The following SORCS1 variants were observed in gnomAD, a reference collection of about 807,000 sequenced individuals.
SORCS1 encodes the protein sortilin related VPS10 domain containing receptor 1.
A neutral mutation model predicts 146.1 loss-of-function variants in SORCS1; 60 were observed. That is an observed-to-expected ratio of 0.41 (90% CI 0.33 to 0.51). SORCS1 has a LOEUF of 0.51. SORCS1 is among the 20% of genes least tolerant of loss of function. The pLI is 0.21. For missense variants in SORCS1, 1,352 were observed against 1,487.6 expected, an observed-to-expected ratio of 0.91 and a Z score of 1.50; for synonymous variants, 637 against 584.0, an observed-to-expected ratio of 1.09 and a Z score of -1.31.
intron 1 of SORCS1, among the ~76,000 whole-genome samples, chr10:107,058,491 C>A (rs944516806): frequency 6.6e-6 from 1 of 152,104 alleles, no homozygotes; most frequent in African/African-American, 2.4e-5. Context: ...AAAGAAATTA[C>A]CTTGACTATA....
chr10:106,652,237 A>T, intron 18 of SORCS1, 145 bp downstream of exon 18: 1 of 770,306 alleles, frequency 1.3e-6, no homozygotes, highest in African/African-American at 1.7e-5. Context: ...TAATAAAAGA[A>T]AAACAAGGAA....
intron 1 of SORCS1, among the ~76,000 whole-genome samples, chr10:107,157,834 C>T (rs910869110): frequency 3.9e-5 from 6 of 152,194 alleles, no homozygotes; most frequent in Non-Finnish European, 7.3e-5. Flanking sequence ...CTGGCCTCAC[C>T]TCGCAATGAA....
chr10:106,594,539 G>C (rs1251877423), intron 24 of SORCS1, among the ~76,000 whole-genome samples: 1 of 152,130 alleles, frequency 6.6e-6, no homozygotes, highest in Non-Finnish European at 1.5e-5. Flanking sequence ...ACAGATGGAG[G>C]AGAAGTATGG....
chr10:106,753,542 A>G (rs1326402843), intron 5 of SORCS1, among the ~76,000 whole-genome samples: 1 of 152,072 alleles, frequency 6.6e-6, no homozygotes, highest in Non-Finnish European at 1.5e-5. Context: ...AGAGAGAGAG[A>G]GGCTATTTTA....
chr10:106,735,885 G>A (rs553982981), intron 5 of SORCS1, among the ~76,000 whole-genome samples: 9 of 152,230 alleles, frequency 5.9e-5, no homozygotes, highest in African/African-American at 1.4e-4. Flanking sequence ...AGTATGAGGC[G>A]AAGTTGCACA....
At chr10:107,038,218 T>C (rs1958989780) in intron 1 of SORCS1, among the ~76,000 whole-genome samples, 1 of 152,228 alleles carries the variant, frequency 6.6e-6, no homozygotes, top group Non-Finnish European at 1.5e-5. Flanking sequence ...AAAGACTGAA[T>C]TGAAGCTTCA....
At chr10:107,052,489 G>T (rs1960212567) in intron 1 of SORCS1, among the ~76,000 whole-genome samples, 1 of 152,076 alleles carries the variant, frequency 6.6e-6, no homozygotes, top group African/African-American at 2.4e-5. Flanking sequence ...GCTAAATCAG[G>T]CTGAATGTCA....
intron 5 of SORCS1, among the ~76,000 whole-genome samples, chr10:106,740,607 G>A (rs1019538329): frequency 6.6e-6 from 1 of 152,014 alleles, no homozygotes; most frequent in African/African-American, 2.4e-5. Flanking sequence ...TAAAATACAA[G>A]GCATTTAGCT....
At chr10:106,913,730 A>C (rs929908408) in intron 2 of SORCS1, among the ~76,000 whole-genome samples, 2 of 152,222 alleles carry the variant, frequency 1.3e-5, no homozygotes, top group Admixed American at 6.5e-5. Flanking sequence ...CTTCACACAG[A>C]AAGATCATTT....
intron 2 of SORCS1, among the ~76,000 whole-genome samples, chr10:106,871,944 A>G (rs1950420432): frequency 6.6e-6 from 1 of 152,222 alleles, no homozygotes; most frequent in Admixed American, 6.5e-5. Context: ...TAGTTCATTT[A>G]TTTATTCAAC....
chr10:106,791,978 C>CA (rs1946341411), intron 3 of SORCS1, among the ~76,000 whole-genome samples: 1 of 152,142 alleles, frequency 6.6e-6, no homozygotes, highest in Admixed American at 6.6e-5. Context: ...TCATTTGATA[C>CA]ACAGACTGGT....
chr10:107,149,309 T>C (rs985222668), intron 1 of SORCS1, among the ~76,000 whole-genome samples: 2 of 152,224 alleles, frequency 1.3e-5, no homozygotes, highest in African/African-American at 2.4e-5. Context: ...CTGTCTCCAG[T>C]TGGCAAGGCA....
intron 2 of SORCS1, among the ~76,000 whole-genome samples, chr10:106,839,173 T>C (rs1296739013): frequency 6.6e-6 from 1 of 152,102 alleles, no homozygotes; most frequent in Non-Finnish European, 1.5e-5. Flanking sequence ...TGATTAAACT[T>C]GGTGAGGAAG....
At chr10:106,738,196 G>A (rs1857101398) in intron 5 of SORCS1, among the ~76,000 whole-genome samples, 1 of 152,150 alleles carries the variant, frequency 6.6e-6, no homozygotes, top group Admixed American at 6.5e-5. Flanking sequence ...AATAGTCAAA[G>A]GGATCCTTAT....
intron 23 of SORCS1, among the ~76,000 whole-genome samples, chr10:106,598,981 C>T (rs1432801163): frequency 6.6e-6 from 1 of 152,180 alleles, no homozygotes; most frequent in Non-Finnish European, 1.5e-5. Context: ...TGCAGAAAAA[C>T]AAGATTGTCA....
intron 1 of SORCS1, among the ~76,000 whole-genome samples, chr10:106,992,766 C>T (rs1435703756): frequency 6.6e-6 from 1 of 151,028 alleles, no homozygotes; most frequent in African/African-American, 2.4e-5. Flanking sequence ...AGAGTGCTGG[C>T]ATTACAGGCA....
At chr10:106,788,633 T>C (rs943004426) in intron 3 of SORCS1, among the ~76,000 whole-genome samples, 2 of 152,320 alleles carry the variant, frequency 1.3e-5, no homozygotes, top group South Asian at 2.1e-4. Context: ...ATGTCTCACA[T>C]TGAGGTCATG....
At chr10:106,680,045 A>T (rs767958388) in intron 10 of SORCS1, among the ~76,000 whole-genome samples, 1 of 152,208 alleles carries the variant, frequency 6.6e-6, no homozygotes, top group Non-Finnish European at 1.5e-5. Flanking sequence ...TAATTACCAT[A>T]AAAAGAGAAT....
intron 2 of SORCS1, among the ~76,000 whole-genome samples, chr10:106,883,292 A>G (rs901597300): frequency 6.6e-6 from 1 of 152,254 alleles, no homozygotes; most frequent in African/African-American, 2.4e-5. Context: ...AGGAATGTTA[A>G]TAAAATCTTC....
Sources: allele counts gnomAD v4.1 joint callset (sites outside exome capture counted in the v4.1 genomes callset), GRCh38; gene constraint gnomAD v4.1.1; transcripts MANE v1.5; gene names NCBI Gene and HGNC (gene_info 2026-07-23, HGNC 2026-07-21).